Variants in RPS6KC1 observed in about 807,000 individuals in gnomAD.
RPS6KC1 encodes the protein inactive ribosomal protein S6 kinase delta-1.
RPS6KC1 carries 54 observed loss-of-function variants against 103.8 expected under a neutral mutation model. The observed-to-expected ratio is 0.52, with a 90% CI of 0.42 to 0.65. The LOEUF is 0.65. RPS6KC1 is among the 30% of genes least tolerant of loss of function. RPS6KC1 has a pLI of 0.00. For missense variants in RPS6KC1, 1,151 were observed against 1,253.8 expected, an observed-to-expected ratio of 0.92 and a Z score of 1.24; for synonymous variants, 439 against 438.7, an observed-to-expected ratio of 1.00 and a Z score of -0.01.
At chr1:213,343,385 TTGTG>T in the RPS6KC1 span, among the ~76,000 whole-genome samples, 2 of 72,090 alleles carry the variant, frequency 2.8e-5, no homozygotes, top group African/African-American at 1.4e-4. Flanking sequence ...TTTTTCAGTG[TTGTG>T]TGTATATATA....
the RPS6KC1 span, among the ~76,000 whole-genome samples, chr1:213,627,054 A>T: frequency 6.6e-6 from 1 of 152,190 alleles, no homozygotes; most frequent in Non-Finnish European, 1.5e-5. Flanking sequence ...CTTCCTACCC[A>T]TGAGCATGGA....
chr1:213,313,342 GT>G, the RPS6KC1 span, among the ~76,000 whole-genome samples: 401 of 145,834 alleles, frequency 2.7e-3, no homozygotes, highest in African/African-American at 6.4e-3. Context: ...AGGTGTGTGG[GT>G]TTTTTTTTTT....
intron 7 of RPS6KC1, among the ~76,000 whole-genome samples, chr1:213,169,954 G>C (rs1424444941): frequency 6.6e-6 from 1 of 151,818 alleles, no homozygotes; most frequent in Non-Finnish European, 1.5e-5. Context: ...GCTAATTTTT[G>C]TATTTTTAGT....
chr1:213,171,143 T>C (rs995720932), intron 7 of RPS6KC1, among the ~76,000 whole-genome samples: 1 of 152,140 alleles, frequency 6.6e-6, no homozygotes, highest in African/African-American at 2.4e-5. Flanking sequence ...ATATAATAAA[T>C]ATAAAAGTTC....
rs187036422 is a variant in RPS6KC1, at chr1:213,241,337, T to C, written c.1861T>C (p.Leu621=). 6 of 1,613,852 alleles carry C rather than the reference T, an allele frequency of 3.7e-6. No individual in the cohort carries two copies. In the South Asian group the frequency reaches 5.5e-5, roughly 15 times the overall value. ...CCTGGGACTTGACTTTGGAGAAAAATTGTATAGTCTAAAATCAGAACCTTT... is the reference window on the plus strand; with the variant it reads ...CCTGGGACTTGACTTTGGAGAAAAACTGTATAGTCTAAAATCAGAACCTTT... ...ELLGLDFGEK[L]YSLKSEPLKP... is the part of the protein sequence containing the mutation. Residue 621 remains leucine, a synonymous_variant, in exon 11 of 15, where the codon TTG becomes CTG. Transcript: ENST00000366960.
At chr1:213,722,692 A>C in the RPS6KC1 span, among the ~76,000 whole-genome samples, 3 of 152,172 alleles carry the variant, frequency 2.0e-5, no homozygotes, top group Admixed American at 1.3e-4. Flanking sequence ...GCAATGCCAC[A>C]TGAGGACTTT....
At chr1:213,363,682 C>G in the RPS6KC1 span, among the ~76,000 whole-genome samples, 43 of 105,020 alleles carry the variant, frequency 4.1e-4, 9 homozygotes, top group African/African-American at 2.0e-3. Context: ...TTCTTTCTTT[C>G]TTTCTTTCTT....
At chr1:213,110,798 G>A (rs945367629) in intron 4 of RPS6KC1, among the ~76,000 whole-genome samples, 11 of 152,100 alleles carry the variant, frequency 7.2e-5, no homozygotes, top group Admixed American at 3.3e-4. Context: ...TGAGCTTTAT[G>A]AAGACCCCCT....
chr1:213,550,340 T>G, the RPS6KC1 span, among the ~76,000 whole-genome samples: 20 of 152,226 alleles, frequency 1.3e-4, no homozygotes, highest in Non-Finnish European at 2.8e-4. Context: ...ATTTTTCTCC[T>G]AACAGGCTTT....
chr1:213,142,668 A>T (rs912461721), intron 6 of RPS6KC1, among the ~76,000 whole-genome samples: 5 of 152,080 alleles, frequency 3.3e-5, no homozygotes, highest in Non-Finnish European at 7.3e-5. Flanking sequence ...GTAGATGGCG[A>T]TTAAGCAACC....
At chr1:213,331,568 T>C in the RPS6KC1 span, among the ~76,000 whole-genome samples, 1 of 152,186 alleles carries the variant, frequency 6.6e-6, no homozygotes, top group Non-Finnish European at 1.5e-5. Context: ...TAGGCCTAGG[T>C]AGAGCCAGGC....
At chr1:213,722,478 C>A in the RPS6KC1 span, among the ~76,000 whole-genome samples, 1,373 of 152,290 alleles carry the variant, frequency 9.0e-3, 26 homozygotes, top group African/African-American at 0.031. Flanking sequence ...CTCCAGCCCT[C>A]AGACTCTCCT....
chr1:213,378,498 G>T, the RPS6KC1 span, among the ~76,000 whole-genome samples: 2 of 152,146 alleles, frequency 1.3e-5, no homozygotes, highest in Non-Finnish European at 2.9e-5. Flanking sequence ...ATATAAGCTT[G>T]TGCTCCCTGA....
chr1:213,465,184 T>G, the RPS6KC1 span, among the ~76,000 whole-genome samples: 1 of 152,162 alleles, frequency 6.6e-6, no homozygotes, highest in Non-Finnish European at 1.5e-5. Flanking sequence ...TGCTTCGCCT[T>G]CTTCCCCTAC....
At chr1:213,583,179 A>C in the RPS6KC1 span, among the ~76,000 whole-genome samples, 2 of 152,182 alleles carry the variant, frequency 1.3e-5, no homozygotes, top group South Asian at 4.1e-4. Flanking sequence ...ACTTTGGGTC[A>C]TTTCCAGTCT....
the RPS6KC1 span, among the ~76,000 whole-genome samples, chr1:213,442,363 T>C: frequency 6.6e-6 from 1 of 152,204 alleles, no homozygotes. Flanking sequence ...ACAGACATTT[T>C]TTGATGGAAT....
chr1:213,326,568 AC>A, the RPS6KC1 span, among the ~76,000 whole-genome samples: 1 of 151,826 alleles, frequency 6.6e-6, no homozygotes, highest in Non-Finnish European at 1.5e-5. Context: ...TTCACCTATT[AC>A]CCCCCCAAAC....
At chr1:213,085,727 A>G (rs998592117) in intron 3 of RPS6KC1, among the ~76,000 whole-genome samples, 1 of 151,886 alleles carries the variant, frequency 6.6e-6, no homozygotes, top group Non-Finnish European at 1.5e-5. Context: ...CTGTGTCTGT[A>G]TATCTATATA....
chr1:213,376,507 G>A, the RPS6KC1 span, among the ~76,000 whole-genome samples: 1 of 151,420 alleles, frequency 6.6e-6, no homozygotes, highest in African/African-American at 2.4e-5. Context: ...CAAGAATTAG[G>A]TACATTATTG....
Sources: gnomAD v4.1 joint callset for allele counts (sites outside exome capture counted in the v4.1 genomes callset) on GRCh38, gnomAD v4.1.1 for gene constraint, MANE v1.5 for transcripts, NCBI Gene and HGNC (gene_info 2026-07-23, HGNC 2026-07-21) for gene names.